The following CPLX2 variants were observed in gnomAD, a reference collection of about 807,000 sequenced individuals.
CPLX2 encodes the protein complexin 2, also known as complexin-2.
A neutral mutation model predicts 16.3 loss-of-function variants in CPLX2; 5 were observed. That is an observed-to-expected ratio of 0.31 (90% CI 0.16 to 0.64). CPLX2 has a LOEUF of 0.64. Ranked by LOEUF, CPLX2 falls within the 30% of genes least tolerant of loss-of-function variation. The pLI is 0.79. For missense variants in CPLX2, 144 were observed against 181.4 expected (o/e 0.79, Z 1.18); for synonymous variants, 89 against 73.2 (o/e 1.22, Z -1.10).
At chr5:175,858,543 T>G (rs1173905615) in intron 2 of CPLX2, among the ~76,000 whole-genome samples, 1 of 152,044 alleles carries the variant, frequency 6.6e-6, no homozygotes, top group East Asian at 1.9e-4. Context: ...CCAGTGTCAG[T>G]GGGGAGCCAT....
intron 2 of CPLX2, among the ~76,000 whole-genome samples, chr5:175,821,132 T>C (rs1198262318): frequency 2.0e-5 from 3 of 152,150 alleles, no homozygotes; most frequent in African/African-American, 7.2e-5. Flanking sequence ...ATAGGATTTC[T>C]TCCTCCCAAT....
chr5:175,851,844 G>C (rs1445392929), intron 2 of CPLX2, among the ~76,000 whole-genome samples: 2 of 152,252 alleles, frequency 1.3e-5, no homozygotes, highest in African/African-American at 4.8e-5. Context: ...CCTGGCTTGA[G>C]TGTGAGGATC....
rs1394297748 is a variant in CPLX2 at position 175,849,506 on chromosome 5, G to T, written c.-88-29146G>T. Among the ~76,000 whole-genome samples, 1 of 152,212 alleles carries T rather than the reference G, an allele frequency of 6.6e-6. No individual in the cohort carries two copies. The highest frequency in any genetic ancestry group is 1.5e-5 in the Non-Finnish European group (1 of 68,036). On this transcript the variant is annotated intron_variant, in intron 2 of 4. Coordinates refer to the CPLX2 transcript ENST00000359546. The surrounding 1 kb of genome is among the most constrained non-coding windows in gnomAD (Gnocchi z 4.4). ...AGGCACAAAGACTTGACCTTGAGGGGCTCCCAGCATGGCTGGGGAGATAGC... is the reference window on the plus strand; with the variant it reads ...AGGCACAAAGACTTGACCTTGAGGGTCTCCCAGCATGGCTGGGGAGATAGC...
upstream of CPLX2, among the ~76,000 whole-genome samples, chr5:175,871,212 G>C (rs1254756696): frequency 2.0e-5 from 3 of 151,734 alleles, no homozygotes; most frequent in African/African-American, 7.3e-5. Flanking sequence ...TTGTGGGCCT[G>C]GAGCTGTGGC....
In CPLX2 at chr5:175,845,111, C is replaced by T. The variant is rs1013482497; in HGVS notation, c.-88-33541C>T. Reference sequence around the variant, plus strand: ...TGCCCATGGAAGCACTTGCCTGCAGCTTCTGTGGCCAACAGATCACTCTCC... The same window carrying T: ...TGCCCATGGAAGCACTTGCCTGCAGTTTCTGTGGCCAACAGATCACTCTCC... On this transcript the variant is annotated intron_variant, in intron 2 of 4. Transcript: ENST00000359546. The surrounding 1 kb of genome is among the most constrained non-coding windows in gnomAD (Gnocchi z 4.0). Among the ~76,000 whole-genome samples the T allele has an allele frequency of 2.0e-5, 3 of 152,228 alleles. No individual in the cohort carries two copies. Among genetic ancestry groups the T allele is most frequent in the Non-Finnish European group, 2.9e-5 (2 of 68,036 alleles).
intron 1 of CPLX2, among the ~76,000 whole-genome samples, chr5:175,797,504 C>T (rs1274911388): frequency 6.6e-6 from 1 of 152,196 alleles, no homozygotes; most frequent in Non-Finnish European, 1.5e-5. Flanking sequence ...TCCCTCCAGA[C>T]CCCCACCCCA....
chr5:175,799,677 A>T (rs1434125579), intron 1 of CPLX2, among the ~76,000 whole-genome samples: 1 of 149,552 alleles, frequency 6.7e-6, no homozygotes. Flanking sequence ...CACCATGCCC[A>T]GCTATTTTTT....
chr5:175,799,468 C>A (rs920802781), intron 1 of CPLX2, among the ~76,000 whole-genome samples: 1 of 148,906 alleles, frequency 6.7e-6, no homozygotes, highest in Non-Finnish European at 1.5e-5. Context: ...CAAGAAATAC[C>A]CTTCTTTGTT....
intron 2 of CPLX2, among the ~76,000 whole-genome samples, chr5:175,841,443 A>C (rs1286793983): frequency 6.6e-6 from 1 of 152,214 alleles, no homozygotes; most frequent in African/African-American, 2.4e-5. Context: ...GGAGAAGTGC[A>C]CATCAGAAAC....
intron 2 of CPLX2, among the ~76,000 whole-genome samples, chr5:175,839,589 A>G (rs1758911549): frequency 6.6e-6 from 1 of 152,214 alleles, no homozygotes; most frequent in Admixed American, 6.5e-5. Context: ...TCCGGCCTCA[A>G]CCTTAAACAA....
chr5:175,798,362 T>C (rs1005068052), intron 1 of CPLX2, among the ~76,000 whole-genome samples: 1 of 152,230 alleles, frequency 6.6e-6, no homozygotes, highest in Non-Finnish European at 1.5e-5. Context: ...GGACCTGTTA[T>C]ATACCAGGCA....
chr5:175,825,212 T>C (rs915875826), intron 2 of CPLX2, among the ~76,000 whole-genome samples: 2 of 151,902 alleles, frequency 1.3e-5, no homozygotes, highest in African/African-American at 2.4e-5. Context: ...CTGGCCAACA[T>C]GGTAAACCCT....
At chr5:175,842,343 A>G (rs1272776323) in intron 2 of CPLX2, among the ~76,000 whole-genome samples, 1 of 152,248 alleles carries the variant, frequency 6.6e-6, no homozygotes, top group Non-Finnish European at 1.5e-5. Flanking sequence ...TGCTCTAATC[A>G]TACAGCAAAG....
At chr5:175,834,447 C>T (rs550190584) in intron 2 of CPLX2, among the ~76,000 whole-genome samples, 276 of 152,294 alleles carry the variant, frequency 1.8e-3, no homozygotes, top group Non-Finnish European at 2.6e-3. Flanking sequence ...CCTCAAGGAC[C>T]TCACAGTCTG....
chr5:175,811,570 A>T (rs993678942), intron 2 of CPLX2, among the ~76,000 whole-genome samples: 2 of 152,046 alleles, frequency 1.3e-5, no homozygotes, highest in Non-Finnish European at 2.9e-5. Context: ...ATCTGAGTTG[A>T]CTTGGCTTGA....
At chr5:175,844,404 T>C (rs1444852744) in intron 2 of CPLX2, among the ~76,000 whole-genome samples, 1 of 152,206 alleles carries the variant, frequency 6.6e-6, no homozygotes, top group African/African-American at 2.4e-5. Context: ...TACCAGGCAC[T>C]GCGGTTAGAG....
chr5:175,846,900 G>A (rs1321038727), intron 2 of CPLX2, among the ~76,000 whole-genome samples: 1 of 152,230 alleles, frequency 6.6e-6, no homozygotes, highest in Admixed American at 6.5e-5. Context: ...CCAAGCTCAG[G>A]GGCCCTGAAA....
rs546363777 is a variant in CPLX2, at chr5:175,837,367, C to A, written c.-89+28299C>A. ...TCACCTGGAGCCAAGGCCATCTGTT[C>A]CCTTTTGTCTTCAGGCTGCAGGGGA... On this transcript the variant is annotated intron_variant, in intron 2 of 4. Coordinates refer to the CPLX2 transcript ENST00000359546. 2.4e-4 allele frequency among the ~76,000 whole-genome samples: 36 copies of A among 152,338 alleles called. No homozygotes were observed. In the South Asian group the frequency reaches 6.6e-3, roughly 28 times the overall value.
chr5:175,822,747 A>G lies in CPLX2; in HGVS notation c.-89+13679A>G, dbSNP rs554953681. 1.1e-3 allele frequency among the ~76,000 whole-genome samples: 173 copies of G among 152,338 alleles called. 4 individuals carry two copies. The South Asian group carries it at 0.02, about 17-fold the overall frequency. ...CCAGTGAAAATCGGGCACCCATTCC[A>G]GTGGTGTCAGCAAAGCTCTGTGATT... On this transcript the variant is annotated intron_variant, in intron 2 of 4. Transcript: ENST00000359546.
Sources: allele counts gnomAD v4.1 joint callset (sites outside exome capture counted in the v4.1 genomes callset), GRCh38; gene constraint gnomAD v4.1.1; non-coding constraint Gnocchi (gnomAD v3.1); transcripts MANE v1.5; gene names NCBI Gene and HGNC (gene_info 2026-07-23, HGNC 2026-07-21).